Variants in FCHSD2 observed in about 807,000 individuals in gnomAD.
FCHSD2 encodes the protein F-BAR and double SH3 domains protein 2.
Under a neutral mutation model 108.1 loss-of-function variants are expected in FCHSD2, and 38 were observed. That is an observed-to-expected ratio of 0.35 (90% CI 0.27 to 0.46). The LOEUF is 0.46. FCHSD2 is among the 20% of genes least tolerant of loss of function. The pLI is 1.00. For synonymous variants in FCHSD2, 279 were observed against 314.7 expected (o/e 0.89, Z 1.20); for missense variants, 751 against 897.8 (o/e 0.84, Z 2.09).
intron 2 of FCHSD2, among the ~76,000 whole-genome samples, chr11:73,109,647 C>T (rs577234184): frequency 7.2e-5 from 11 of 152,112 alleles, no homozygotes; most frequent in Non-Finnish European, 1.3e-4. Flanking sequence ...CATCTGCAAA[C>T]AAGCATAATT....
At chr11:72,843,815 A>G (rs1213299442) in intron 14 of FCHSD2, 1 of 316,828 alleles carries the variant, frequency 3.2e-6, no homozygotes, top group Non-Finnish European at 5.7e-6. Flanking sequence ...CGAGACCCCC[A>G]TCTCTACCAA....
chr11:73,128,088 A>C lies in FCHSD2; in HGVS notation c.119+11943T>G, dbSNP rs537704135. Among the ~76,000 whole-genome samples the C allele has an allele frequency of 1.4e-3, 210 of 152,144 alleles. 2 individuals are homozygous for C. The highest frequency in any genetic ancestry group is 0.014 in the Middle Eastern group (4 of 294). On this transcript the variant is annotated intron_variant, in intron 2 of 19. Coordinates refer to ENST00000409418, the MANE Select transcript of FCHSD2 (RefSeq NM_014824.3). ...TTGACCACCATTTCTCCAAATTATC[A>C]GAAGACTGAAGTGGTAAGATTGGGA...
At chr11:73,062,029 T>G (rs577074844) in intron 3 of FCHSD2, among the ~76,000 whole-genome samples, 1 of 152,096 alleles carries the variant, frequency 6.6e-6, no homozygotes, top group Non-Finnish European at 1.5e-5. Context: ...CACCTCCCAG[T>G]AGGGGCCAAC....
chr11:73,013,540 A>G (rs1449246273), intron 4 of FCHSD2, among the ~76,000 whole-genome samples: 1 of 152,238 alleles, frequency 6.6e-6, no homozygotes, highest in Non-Finnish European at 1.5e-5. Flanking sequence ...TGAATAAGAA[A>G]GAAAGAATAA....
chr11:73,102,575 A>G (rs1197570121), intron 2 of FCHSD2, among the ~76,000 whole-genome samples: 1 of 152,262 alleles, frequency 6.6e-6, no homozygotes, highest in Non-Finnish European at 1.5e-5. Flanking sequence ...CTCATGTTGA[A>G]GTTTAATTGC....
chr11:73,000,928 C>T (rs1857613397), intron 5 of FCHSD2, 62 bp downstream of exon 5: 1 of 1,393,512 alleles, frequency 7.2e-7, no homozygotes, highest in Non-Finnish European at 9.8e-7. Flanking sequence ...CATAACCTTG[C>T]AGATTATAAA....
chr11:72,980,693 ATATAATGT>A (rs1202418601), intron 8 of FCHSD2, among the ~76,000 whole-genome samples: 2 of 148,938 alleles, frequency 1.3e-5, no homozygotes, highest in African/African-American at 2.5e-5. Flanking sequence ...ATATATATAT[ATATAATGT>A]ATGTATGTAT....
rs117972485 is a variant in FCHSD2, at chr11:73,130,984, A to C, written c.119+9047T>G. 9.1e-3 allele frequency among the ~76,000 whole-genome samples: 1,383 copies of C among 152,244 alleles called. 11 individuals carry two copies. The highest frequency in any genetic ancestry group is 0.013 in the Non-Finnish European group (859 of 68,002). On this transcript the variant is annotated intron_variant, in intron 2 of 19. Transcript: ENST00000409418. ...AAGATTTACAACATTTTAAGTTCTA[A>C]TTTGAAAGAATACTAATTGAGAAGC...
chr11:73,138,735 G>A (rs1468414153), intron 2 of FCHSD2, among the ~76,000 whole-genome samples: 1 of 151,534 alleles, frequency 6.6e-6, no homozygotes, highest in Admixed American at 6.6e-5. Flanking sequence ...AGCCTCCTGA[G>A]TAGCTAGGAC....
chr11:72,968,090 CA>C (rs10670606), intron 8 of FCHSD2, among the ~76,000 whole-genome samples: 1,891 of 87,410 alleles, frequency 0.022, 21 homozygotes, highest in African/African-American at 0.063. Flanking sequence ...GACTCTGTCT[CA>C]AAAAAAAAAA....
chr11:72,997,798 T>G (rs1857548552), intron 5 of FCHSD2, among the ~76,000 whole-genome samples: 1 of 152,214 alleles, frequency 6.6e-6, no homozygotes, highest in African/African-American at 2.4e-5. Flanking sequence ...CCTCCTGTGC[T>G]CAAGTGATCC....
At chr11:72,929,782 T>A (rs951705817) in intron 8 of FCHSD2, among the ~76,000 whole-genome samples, 11 of 152,194 alleles carry the variant, frequency 7.2e-5, no homozygotes, top group African/African-American at 2.7e-4. Flanking sequence ...AAACTCCCCA[T>A]CACAGTATTT....
At chr11:72,895,395 G>T (rs928193357) in intron 10 of FCHSD2, among the ~76,000 whole-genome samples, 3 of 152,116 alleles carry the variant, frequency 2.0e-5, no homozygotes, top group African/African-American at 7.2e-5. Context: ...AACAAAAATG[G>T]CATAAAAACC....
intron 3 of FCHSD2, among the ~76,000 whole-genome samples, chr11:73,035,044 C>T (rs570027904): frequency 4.6e-5 from 7 of 152,294 alleles, no homozygotes; most frequent in African/African-American, 1.7e-4. Context: ...TGATATGCAG[C>T]CACTATTGGG....
chr11:72,930,485 C>T (rs1457537111), intron 8 of FCHSD2, among the ~76,000 whole-genome samples: 1 of 152,198 alleles, frequency 6.6e-6, no homozygotes, highest in Non-Finnish European at 1.5e-5. Flanking sequence ...GGTGCGGTGG[C>T]TCACACCTGT....
intron 4 of FCHSD2, among the ~76,000 whole-genome samples, chr11:73,002,576 T>G (rs183123969): frequency 6.6e-6 from 1 of 152,074 alleles, no homozygotes; most frequent in Admixed American, 6.5e-5. Context: ...TAATTTATAC[T>G]TAAAATACAT....
At chr11:72,958,131 A>G (rs1466644193) in intron 8 of FCHSD2, among the ~76,000 whole-genome samples, 1 of 152,202 alleles carries the variant, frequency 6.6e-6, no homozygotes, top group African/African-American at 2.4e-5. Flanking sequence ...AACCTCAGCA[A>G]TAAGTGTTCC....
intron 5 of FCHSD2, among the ~76,000 whole-genome samples, chr11:72,994,924 T>A (rs920209343): frequency 1.3e-5 from 2 of 152,240 alleles, no homozygotes; most frequent in Non-Finnish European, 2.9e-5. Context: ...ACCATTACTC[T>A]GCTTGAATTC....
intron 11 of FCHSD2, among the ~76,000 whole-genome samples, chr11:72,888,284 G>A (rs1003789225): frequency 1.4e-4 from 22 of 152,176 alleles, no homozygotes; most frequent in African/African-American, 5.3e-4. Flanking sequence ...ACATGGAATT[G>A]TTAATTGTGA....
Sources: allele counts gnomAD v4.1 joint callset (sites outside exome capture counted in the v4.1 genomes callset), GRCh38; gene constraint gnomAD v4.1.1; transcripts MANE v1.5; gene names NCBI Gene and HGNC (gene_info 2026-07-23, HGNC 2026-07-21).